Variants in KMT2E observed in about 807,000 individuals in gnomAD.
KMT2E encodes the protein lysine methyltransferase 2E (inactive).
In KMT2E, 30 loss-of-function variants were observed where a neutral mutation model predicts 184.6. That is an observed-to-expected ratio of 0.16 (90% CI 0.12 to 0.22). KMT2E has a LOEUF of 0.22. KMT2E is among the 10% of genes least tolerant of loss of function. The pLI is 1.00. For missense variants in KMT2E, 2,023 were observed against 2,237.4 expected (o/e 0.90, Z 1.93); for synonymous variants, 815 against 776.5 (o/e 1.05, Z -0.82).
intron 3 of KMT2E, among the ~76,000 whole-genome samples, chr7:105,041,512 C>G (rs961832907): frequency 6.6e-6 from 1 of 152,180 alleles, no homozygotes; most frequent in Non-Finnish European, 1.5e-5. Flanking sequence ...AGCAATTCTC[C>G]TGCCTCAGCC....
At chr7:105,064,164 G>GGTTTT (rs1796933611) in intron 5 of KMT2E, 2 of 74,154 alleles carry the variant, frequency 2.7e-5, no homozygotes, top group Non-Finnish European at 4.8e-5. Context: ...TTTTTTCTTG[G>GGTTTT]TTTTTTTTTT....
intron 22 of KMT2E, among the ~76,000 whole-genome samples, chr7:105,108,164 TC>T (rs917985002): frequency 6.6e-6 from 1 of 152,082 alleles, no homozygotes; most frequent in Non-Finnish European, 1.5e-5. Flanking sequence ...CAGAAAAATC[TC>T]AAGATGATTT....
chr7:105,093,101 G>A (rs756744445), intron 15 of KMT2E, among the ~76,000 whole-genome samples: 2 of 152,070 alleles, frequency 1.3e-5, no homozygotes, highest in African/African-American at 2.4e-5. Context: ...GTGCTGAAGC[G>A]GGAGGATCAC....
Position 105,029,385 on chromosome 7 carries a change from TTAAA to T in KMT2E, c.-188-8739_-188-8736del, listed in dbSNP as rs1245921063. ...ACATAGTATATGTTCAATAAATATGTTAAATGAATGAATTTGATTTGATTTGGTT... is the reference window on the plus strand; with the variant it reads ...ACATAGTATATGTTCAATAAATATGTTGAATGAATTTGATTTGATTTGGTT... On this transcript the variant is annotated intron_variant, in intron 1 of 26. Transcript: ENST00000311117. Among the ~76,000 whole-genome samples, 5 of 152,372 alleles carry T rather than the reference TTAAA, an allele frequency of 3.3e-5. No individual in the cohort carries two copies. In the East Asian group the frequency reaches 5.8e-4, roughly 18 times the overall value.
At chr7:105,069,946 T>C (rs986295930) in intron 6 of KMT2E, among the ~76,000 whole-genome samples, 1 of 152,222 alleles carries the variant, frequency 6.6e-6, no homozygotes, top group African/African-American at 2.4e-5. Flanking sequence ...ATGTGACCTT[T>C]TGGCATTGAC....
At chr7:105,086,903 ATATAT>A (rs1187067145) in intron 13 of KMT2E, among the ~76,000 whole-genome samples, 7 of 79,350 alleles carry the variant, frequency 8.8e-5, no homozygotes, top group East Asian at 1.4e-3. Context: ...CATATATATT[ATATAT>A]TATATAGCAT....
chr7:105,069,412 TTGGAGTAACA>T (rs1584754962), intron 6 of KMT2E, among the ~76,000 whole-genome samples: 1 of 152,224 alleles, frequency 6.6e-6, no homozygotes, highest in East Asian at 1.9e-4. Context: ...TATAATAGTC[TTGGAGTAACA>T]ACACCAGCAA....
intron 3 of KMT2E, among the ~76,000 whole-genome samples, chr7:105,049,922 C>G (rs1681001766): frequency 6.6e-6 from 1 of 151,928 alleles, no homozygotes; most frequent in Non-Finnish European, 1.5e-5. Flanking sequence ...AAAAATGTCA[C>G]TTTTAAAAAA....
chr7:105,107,918 A>G lies in KMT2E; in HGVS notation c.3461A>G (p.Lys1154Arg), dbSNP rs1180363386. The change falls in exon 22 of 27, where the codon AAG becomes AGG. Residue 1154 changes from lysine (K) to arginine (R), a missense_variant. Transcript: ENST00000311117. ...TGCACACCCCAGAATCCACCACAAAAGAAAAAGGTTACAAATTTAACAATT... is the reference window on the plus strand; with the variant it reads ...TGCACACCCCAGAATCCACCACAAAGGAAAAAGGTTACAAATTTAACAATT... ...GNCTPQNPPQ[K>R]KKVSLLEYRK... 1 of 1,586,476 alleles carries G rather than the reference A, an allele frequency of 6.3e-7. No homozygotes were observed. The highest frequency in any genetic ancestry group is 1.2e-5 in the South Asian group (1 of 86,676).
rs779892097 is a variant in KMT2E at position 105,113,159 on chromosome 7, C to G, written c.5403C>G (p.Asn1801Lys). Residue 1801 changes from asparagine (N) to lysine (K), a missense_variant, in exon 27 of 27, where the codon AAC becomes AAG. Physicochemically the swap from Asn to Lys is moderately conservative, Grantham distance 94. This residue lies in a region of KMT2E where 1,108 missense variants were observed against 1,050.9 expected (regional missense o/e 1.05). Coordinates refer to ENST00000311117, the MANE Select transcript of KMT2E (RefSeq NM_182931.3). ...CTCATCTCCAGCCCCAAGGACCAAA[C>G]AGTATTCCAACACCTACTGCTTCAG... is the stretch of plus-strand genomic sequence containing the variant. ...TGPHLQPQGPNSIPTPTASGF... is the reference protein window; with the variant it reads ...TGPHLQPQGPKSIPTPTASGF... The G allele has an allele frequency of 3.1e-6, 5 of 1,614,222 alleles. No individual in the cohort carries two copies. Among genetic ancestry groups the G allele is most frequent in the Non-Finnish European group, 3.4e-6 (4 of 1,180,046 alleles).
chr7:105,064,026 A>T (rs1222728626), intron 5 of KMT2E: 1 of 455,148 alleles, frequency 2.2e-6, no homozygotes, highest in African/African-American at 2.0e-5. Flanking sequence ...TGAACCTTGC[A>T]GCACTCTGGA....
At chr7:105,108,560 T>G (rs1175008891) in intron 22 of KMT2E, 2 of 457,798 alleles carry the variant, frequency 4.4e-6, no homozygotes, top group Non-Finnish European at 8.8e-6. Flanking sequence ...GTTGGCAACT[T>G]TGTGGGAAGC....
At chr7:105,020,191 T>A (rs1391787920) in intron 1 of KMT2E, among the ~76,000 whole-genome samples, 1 of 152,150 alleles carries the variant, frequency 6.6e-6, no homozygotes, top group Non-Finnish European at 1.5e-5. Flanking sequence ...TGATATTGTG[T>A]AATCACACCT....
intron 1 of KMT2E, among the ~76,000 whole-genome samples, chr7:105,031,749 CAAAAAT>C (rs1203705168): frequency 6.9e-6 from 1 of 144,870 alleles, no homozygotes; most frequent in African/African-American, 2.6e-5. Flanking sequence ...GAAACTGTCT[CAAAAAT>C]AAATAAATAA....
At chr7:105,033,613 C>G (rs1795513941) in intron 1 of KMT2E, among the ~76,000 whole-genome samples, 1 of 152,190 alleles carries the variant, frequency 6.6e-6, no homozygotes, top group Non-Finnish European at 1.5e-5. Context: ...ATTCTTCGGC[C>G]TCAGCCTCCT....
chr7:105,022,281 T>A (rs925032820), intron 1 of KMT2E, among the ~76,000 whole-genome samples: 1 of 152,184 alleles, frequency 6.6e-6, no homozygotes, highest in African/African-American at 2.4e-5. Flanking sequence ...AGATTGCATT[T>A]AGTTTTGTTG....
chr7:105,109,996 A>T (rs1414544260), intron 23 of KMT2E, among the ~76,000 whole-genome samples: 1 of 151,728 alleles, frequency 6.6e-6, no homozygotes, highest in Admixed American at 6.6e-5. Flanking sequence ...ATGCCTGGCT[A>T]ATTTTTTTTT....
intron 13 of KMT2E, among the ~76,000 whole-genome samples, chr7:105,082,895 A>C (rs945123760): frequency 1.3e-5 from 2 of 152,172 alleles, no homozygotes; most frequent in African/African-American, 2.4e-5. Context: ...GTTTTTTGGC[A>C]CTGCTTTTTC....
intron 13 of KMT2E, among the ~76,000 whole-genome samples, chr7:105,084,384 G>A (rs1797879121): frequency 6.6e-6 from 1 of 152,134 alleles, no homozygotes; most frequent in South Asian, 2.1e-4. Context: ...CCCAGCACTT[G>A]GGAGGCCAAG....
Sources: gnomAD v4.1 joint callset for allele counts (sites outside exome capture counted in the v4.1 genomes callset) on GRCh38, gnomAD v4.1.1 for gene constraint, gnomAD v4.1.1 regional missense constraint, MANE v1.5 for transcripts, NCBI Gene and HGNC (gene_info 2026-07-23, HGNC 2026-07-21) for gene names.